Variants in PCDHGA2 observed in about 807,000 individuals in gnomAD.
The protein encoded by PCDHGA2 is protocadherin gamma-A2.
A neutral mutation model predicts 59.2 loss-of-function variants in PCDHGA2; 40 were observed. The observed-to-expected ratio is 0.68, with a 90% confidence interval of 0.52 to 0.88. PCDHGA2 has a LOEUF of 0.88. Ranked by LOEUF, PCDHGA2 falls within the 40% of genes least tolerant of loss-of-function variation. The pLI is 0.00. For synonymous variants in PCDHGA2, 560 were observed against 526.0 expected, an observed-to-expected ratio of 1.06 and a Z score of -0.89; for missense variants, 1,226 against 1,204.0, an observed-to-expected ratio of 1.02 and a Z score of -0.27.
intron 1 of PCDHGA2, chr5:141,366,716 A>G (rs746454845): frequency 1.4e-5 from 23 of 1,614,062 alleles, no homozygotes; most frequent in Non-Finnish European, 1.9e-5. Flanking sequence ...GATGTCTGAT[A>G]AGGTAGATGC....
intron 1 of PCDHGA2, chr5:141,372,326 C>T (rs760968250): frequency 3.3e-5 from 54 of 1,613,610 alleles, no homozygotes; most frequent in Non-Finnish European, 4.3e-5. Context: ...GCCTGCTGGT[C>T]ACTGTGCGTG....
At chr5:141,467,117 A>G (rs62379198) in intron 1 of PCDHGA2, among the ~76,000 whole-genome samples, 35,587 of 150,646 alleles carry the variant, frequency 0.24, 4,364 homozygotes, top group Admixed American at 0.32. Flanking sequence ...CAATGGTGCA[A>G]TCTCAGCTCA....
intron 1 of PCDHGA2, chr5:141,409,322 C>A (rs1161029892): frequency 6.2e-7 from 1 of 1,613,988 alleles, no homozygotes; most frequent in Non-Finnish European, 8.5e-7. Flanking sequence ...AACACGGGAT[C>A]TGGATTTCGG....
chr5:141,491,136 G>A lies in PCDHGA2; in HGVS notation c.2425-3671G>A, dbSNP rs769904518. On this transcript the variant is annotated intron_variant, in intron 1 of 3. Coordinates refer to ENST00000394576, the MANE Select transcript of PCDHGA2 (RefSeq NM_018915.4). This position sits in a 1 kb window ranked among gnomAD's most constrained non-coding sequence, Gnocchi z 6.9. ...ACACTGGTGAGGTGCGCACAGCCCG[G>A]GCCTTACTGGAGGATGACTCTGACA... The A allele has an allele frequency of 2.4e-5, 38 of 1,614,030 alleles. 1 individual carries two copies. The South Asian group carries it at 4.1e-4, about 17-fold the overall frequency.
Position 141,489,351 on chromosome 5 carries a change from G to A in PCDHGA2, c.2425-5456G>A, listed in dbSNP as rs2099685862. ...GGCAGCTTCGTTACTCAGTGGTGGAGGAGTCTGAGCCGGGGACGCTGGTGG... is the reference window on the plus strand; with the variant it reads ...GGCAGCTTCGTTACTCAGTGGTGGAAGAGTCTGAGCCGGGGACGCTGGTGG... On this transcript the variant is annotated intron_variant, in intron 1 of 3. Transcript: ENST00000394576. This position sits in a 1 kb window ranked among gnomAD's most constrained non-coding sequence, Gnocchi z 4.5. The A allele has an allele frequency of 6.2e-7, 1 of 1,612,202 alleles. No individual in the cohort carries two copies. The highest frequency in any genetic ancestry group is 1.3e-5 in the African/African-American group (1 of 75,006).
intron 1 of PCDHGA2, chr5:141,383,974 GAC>G: frequency 6.2e-7 from 1 of 1,613,818 alleles, no homozygotes; most frequent in Non-Finnish European, 8.5e-7. Flanking sequence ...AATCCCTGAA[GAC>G]ACACCTCTTG....
At chr5:141,356,116 G>A in intron 1 of PCDHGA2, 1 of 1,613,804 alleles carries the variant, frequency 6.2e-7, no homozygotes, top group South Asian at 1.1e-5. Context: ...AATATTGGGG[G>A]GTCTAGATTA....
chr5:141,351,740 C>G, intron 1 of PCDHGA2: 1 of 1,613,690 alleles, frequency 6.2e-7, no homozygotes, highest in Non-Finnish European at 8.5e-7. Context: ...TGACCTGGAG[C>G]CGCGGGAGCT....
In PCDHGA2 at chr5:141,476,707, G is replaced by A. The variant is rs1309848893; in HGVS notation, c.2425-18100G>A. 6.2e-7 allele frequency: 1 copy of A among 1,614,206 alleles called. No individual in the cohort carries two copies. The highest frequency in any genetic ancestry group is 1.7e-5 in the Admixed American group (1 of 60,032). On this transcript the variant is annotated intron_variant, in intron 1 of 3. Coordinates refer to ENST00000394576, the MANE Select transcript of PCDHGA2 (RefSeq NM_018915.4). This position sits in a 1 kb window ranked among gnomAD's most constrained non-coding sequence, Gnocchi z 7.6. ...ACAGCACCAAGTACGCGGAGCTGGT[G>A]TTGGAGCGCGCCCTGGACCGAGAAC...
intron 3 of PCDHGA2, chr5:141,508,275 T>G (rs1030431371): frequency 6.6e-6 from 1 of 152,138 alleles, no homozygotes. Context: ...ATCCCGGTCC[T>G]TGACCAAGGT....
intron 3 of PCDHGA2, chr5:141,508,363 A>G (rs996562348): frequency 1.3e-5 from 2 of 152,230 alleles, no homozygotes; most frequent in Non-Finnish European, 2.9e-5. Flanking sequence ...TGGCAATCCA[A>G]CTTCTTCCCC....
At position 141,345,619 on chromosome 5, in the gene PCDHGA2, A is replaced by G. The variant is rs774615318; in HGVS notation, c.2424+4224A>G. On this transcript the variant is annotated intron_variant, in intron 1 of 3. Transcript: ENST00000394576. ...GACTACGAGCAATTTAGAGACTTAA[A>G]GCTACTGGTGACAGCCAGCGACAGC... 8.1e-6 allele frequency: 13 copies of G among 1,614,204 alleles called. 1 individual carries two copies. Among genetic ancestry groups the G allele is most frequent in the Non-Finnish European group, 1.1e-5 (13 of 1,180,040 alleles).
chr5:141,467,057 T>TG, intron 1 of PCDHGA2, among the ~76,000 whole-genome samples: 1 of 144,752 alleles, frequency 6.9e-6, no homozygotes, highest in Non-Finnish European at 1.5e-5. Context: ...AATGTTTTCT[T>TG]TTTTTTTTTT....
At chr5:141,394,430 C>T (rs2150569215) in intron 1 of PCDHGA2, 1 of 1,614,244 alleles carries the variant, frequency 6.2e-7, no homozygotes, top group African/African-American at 1.3e-5. Context: ...ACAGCGGGGA[C>T]CCGCCCCTCA....
intron 1 of PCDHGA2, among the ~76,000 whole-genome samples, chr5:141,353,242 C>T (rs1329568635): frequency 6.6e-6 from 1 of 152,048 alleles, no homozygotes; most frequent in Non-Finnish European, 1.5e-5. Context: ...ATAGCAGTGC[C>T]TTTTCTTAGT....
chr5:141,462,354 C>T (rs1157515386), intron 1 of PCDHGA2, among the ~76,000 whole-genome samples: 1 of 152,162 alleles, frequency 6.6e-6, no homozygotes, highest in Non-Finnish European at 1.5e-5. Flanking sequence ...CAAAAATATA[C>T]ATTGTATAGT....
In PCDHGA2 at chr5:141,477,955, C is replaced by T. The variant is rs748233998; in HGVS notation, c.2425-16852C>T. The T allele has an allele frequency of 3.7e-6, 6 of 1,614,004 alleles. No homozygotes were observed. Among genetic ancestry groups the T allele is most frequent in the Admixed American group, 3.3e-5 (2 of 59,988 alleles). On this transcript the variant is annotated intron_variant, in intron 1 of 3. Transcript: ENST00000394576. This position sits in a 1 kb window ranked among gnomAD's most constrained non-coding sequence, Gnocchi z 4.9. ...GGCTCTCCTACAGTCTCTTGGGATCCCCTAACCAGAGCCTTTTTGCCATAG... is the reference window on the plus strand; with the variant it reads ...GGCTCTCCTACAGTCTCTTGGGATCTCCTAACCAGAGCCTTTTTGCCATAG...
intron 1 of PCDHGA2, chr5:141,350,915 C>G: frequency 6.2e-7 from 1 of 1,614,100 alleles, no homozygotes; most frequent in Middle Eastern, 1.6e-4. Context: ...GGACCCGCCT[C>G]TAAGCGGCAC....
At position 141,388,660 on chromosome 5, in the gene PCDHGA2, C is replaced by A. The variant is rs762083225; in HGVS notation, c.2424+47265C>A. 5.0e-6 allele frequency: 8 copies of A among 1,613,714 alleles called. No individual in the cohort carries two copies. The South Asian group carries it at 8.8e-5, about 18-fold the overall frequency. On this transcript the variant is annotated intron_variant, in intron 1 of 3. Transcript: ENST00000394576. Reference sequence around the variant, plus strand: ...CTTTCAGAAAACGTGTACCCGGGGACCACGGTGCTACAGGTGACTGCCACG... The same window carrying A: ...CTTTCAGAAAACGTGTACCCGGGGAACACGGTGCTACAGGTGACTGCCACG...
Sources: allele counts gnomAD v4.1 joint callset (sites outside exome capture counted in the v4.1 genomes callset), GRCh38; gene constraint gnomAD v4.1.1; non-coding constraint Gnocchi (gnomAD v3.1); transcripts MANE v1.5; gene names NCBI Gene and HGNC (gene_info 2026-07-23, HGNC 2026-07-21).